ZNF135: variants seen among roughly 807,000 people sequenced by gnomAD.
ZNF135 encodes the protein zinc finger protein 135 (clone pHZ-17).
ZNF135 carries 11 observed loss-of-function variants against 12.3 expected under a neutral mutation model. The observed-to-expected ratio is 0.89, with a 90% CI of 0.56 to 1.48. ZNF135 has a LOEUF of 1.48. ZNF135 is among the 40% of genes most tolerant of loss of function. The probability of loss-of-function intolerance (pLI) is 0.00; values close to 1 mark genes in which losing one functional copy is unlikely to be tolerated. For synonymous variants in ZNF135, 316 were observed against 312.0 expected, an observed-to-expected ratio of 1.01 and a Z score of -0.14; for missense variants, 722 against 815.7, an observed-to-expected ratio of 0.89 and a Z score of 1.40.
chr19:58,065,029 C>G lies in ZNF135; in HGVS notation c.256+1488C>G, dbSNP rs1345322444. 6.6e-6 allele frequency among the ~76,000 whole-genome samples: 1 copy of G among 152,196 alleles called. No homozygotes were observed. Among genetic ancestry groups the G allele is most frequent in the East Asian group, 1.9e-4 (1 of 5,208 alleles). ...CAGTGCCCCTAGCCCCCTCATTGTT[C>G]AAGCGTCAACAATACTACACTTCGT... On this transcript the variant is annotated intron_variant, in intron 4 of 4. Transcript: ENST00000313434. This position sits in a 1 kb window ranked among gnomAD's most constrained non-coding sequence, Gnocchi z 4.0.
chr19:58,066,684 A>G (rs765971411), intron 4 of ZNF135, 57 bp from the exon 5 acceptor site: 23 of 1,588,536 alleles, frequency 1.4e-5, no homozygotes, highest in Non-Finnish European at 2.0e-5. Context: ...TCTCACCACA[A>G]ACTCTTTTGC....
chr19:58,068,454 C>A lies in ZNF135; in HGVS notation c.1970C>A (p.Thr657Asn). ...SSLTKHQRTH[T>N]G ...CTTACCAAGCACCAGAGAACTCACA[C>A]TGGATAAACCCACTCCACATGTGCT... is the stretch of plus-strand genomic sequence containing the variant. The change falls in exon 5 of 5, where the codon ACT becomes AAT. Residue 657 changes from threonine (T) to asparagine (N), a missense_variant. Thr to Asn is a moderately conservative substitution (Grantham distance 65, BLOSUM62 0). Coordinates refer to ENST00000313434, the MANE Select transcript of ZNF135 (RefSeq NM_001289401.2). 1 of 1,613,674 alleles carries A rather than the reference C, an allele frequency of 6.2e-7. No homozygotes were observed. Among genetic ancestry groups the A allele is most frequent in the South Asian group, 1.1e-5 (1 of 91,044 alleles).
chr19:58,059,776 A>AC lies in ZNF135; in HGVS notation c.-34-193_-34-192insC, dbSNP rs2073935850. On this transcript the variant is annotated intron_variant, in intron 1 of 4. Coordinates refer to ENST00000313434, the MANE Select transcript of ZNF135 (RefSeq NM_001289401.2). This position sits in a 1 kb window ranked among gnomAD's most constrained non-coding sequence, Gnocchi z 6.5. ...ACCCGCCAGGCCTTCAGCTTCCCTC[A>AC]GACAGGCGGGAAAACCCTAGGCTGC... The AC allele has an allele frequency of 1.5e-6, 1 of 654,750 alleles. No homozygotes were observed. The highest frequency in any genetic ancestry group is 2.5e-6 in the Non-Finnish European group (1 of 392,948). The allele number at this position is 654,750 out of a possible 1,614,324, so 40.6% of individuals were successfully genotyped here.
In ZNF135 at chr19:58,065,570, C is replaced by T. The variant is rs184074531; in HGVS notation, c.257-1171C>T. ...TTGGCTATGGCCTTGTCCATCTTCA[C>T]AGTCAGCAAGGCCTGGTCAAGTCAC... On this transcript the variant is annotated intron_variant, in intron 4 of 4. Transcript: ENST00000313434. The surrounding 1 kb of genome is among the most constrained non-coding windows in gnomAD (Gnocchi z 4.0). 4.6e-5 allele frequency among the ~76,000 whole-genome samples: 7 copies of T among 152,202 alleles called. No individual in the cohort carries two copies. Among genetic ancestry groups the T allele is most frequent in the Non-Finnish European group, 8.8e-5 (6 of 68,042 alleles).
chr19:58,063,725 C>A lies in ZNF135; in HGVS notation c.256+184C>A. 5.1e-6 allele frequency: 7 copies of A among 1,378,774 alleles called. No homozygotes were observed. Among genetic ancestry groups the A allele is most frequent in the Non-Finnish European group, 5.7e-6 (6 of 1,061,928 alleles). The allele number at this position is 1,378,774 out of a possible 1,614,324, so 85.4% of individuals were successfully genotyped here. On this transcript the variant is annotated intron_variant, in intron 4 of 4. Transcript: ENST00000313434. This position sits in a 1 kb window ranked among gnomAD's most constrained non-coding sequence, Gnocchi z 4.4. ...TCCTCATCTCCACTGAATTTATATTCTTGGTGAGGGAGTGGGGGAAACAAA... is the reference window on the plus strand; with the variant it reads ...TCCTCATCTCCACTGAATTTATATTATTGGTGAGGGAGTGGGGGAAACAAA...
At position 58,065,228 on chromosome 19, in the gene ZNF135, A is replaced by C. The variant is rs73056305; in HGVS notation, c.257-1513A>C. On this transcript the variant is annotated intron_variant, in intron 4 of 4. Coordinates refer to ENST00000313434, the MANE Select transcript of ZNF135 (RefSeq NM_001289401.2). This position sits in a 1 kb window ranked among gnomAD's most constrained non-coding sequence, Gnocchi z 4.0. The stretch of plus-strand genomic sequence containing the variant: ...TTTTTTTAAGAGATGGGGTCTTGCT[A>C]TCTTGCCTAGGATGGAGTCCAGTGG... Among the ~76,000 whole-genome samples, 258 of 152,006 alleles carry C rather than the reference A, an allele frequency of 1.7e-3. No homozygotes were observed. Among genetic ancestry groups the C allele is most frequent in the Non-Finnish European group, 3.2e-3 (218 of 67,954 alleles).
Position 58,060,027 on chromosome 19 carries a change from A to G in ZNF135, c.25A>G (p.Thr9Ala), listed in dbSNP as rs758417677. The G allele has an allele frequency of 3.7e-6, 6 of 1,613,422 alleles. No individual in the cohort carries two copies. The highest frequency in any genetic ancestry group is 5.1e-6 in the Non-Finnish European group (6 of 1,179,840). MTPGVRVS[T>A]DPEQVTFEDV... The stretch of plus-strand genomic sequence containing the variant: ...CATGACCCCTGGGGTGCGCGTCTCC[A>G]CAGACCCGGTGAGAATCTCGGCCTC... Residue 9 changes from threonine to alanine, a missense_variant, in exon 2 of 5, where the codon ACA becomes GCA. Transcript: ENST00000313434. This position sits in a 1 kb window ranked among gnomAD's most constrained non-coding sequence, Gnocchi z 4.9.
Position 58,059,329 on chromosome 19 carries a change from G to T in ZNF135, c.-35+19G>T, listed in dbSNP as rs7256947. On this transcript the variant is annotated intron_variant, in intron 1 of 4. Transcript: ENST00000313434. This position sits in a 1 kb window ranked among gnomAD's most constrained non-coding sequence, Gnocchi z 6.5. ...CAGGAGGGTGAGCTAGGCCGGCGAGGAGGGGGAGGGGAGGCCAGGCCGGGC... is the reference window on the plus strand; with the variant it reads ...CAGGAGGGTGAGCTAGGCCGGCGAGTAGGGGGAGGGGAGGCCAGGCCGGGC... The T allele has an allele frequency of 0.34, 523,827 of 1,518,882 alleles. 92,720 individuals are homozygous for T. The highest frequency in any genetic ancestry group is 0.4 in the Admixed American group (20,414 of 51,370). 94.1% of individuals were successfully genotyped at this position (1,518,882 alleles called of 1,614,324 possible). A position where few individuals can be genotyped will look rare whatever the true frequency, so the allele number is the denominator to read the frequency against.
At chr19:58,062,593 G>A (rs1023973531) in intron 3 of ZNF135, among the ~76,000 whole-genome samples, 1 of 149,462 alleles carries the variant, frequency 6.7e-6, no homozygotes, top group East Asian at 2.0e-4. Context: ...GGGTTTCACC[G>A]TGTTAGCCAG....
In ZNF135 at chr19:58,068,121, G is replaced by A; in HGVS notation, c.1637G>A (p.Gly546Glu). 6.2e-7 allele frequency: 1 copy of A among 1,614,174 alleles called. No homozygotes were observed. The highest frequency in any genetic ancestry group is 1.1e-5 in the South Asian group (1 of 91,086). ...ATTCAGCATCAGAGGATCCACACAG[G>A]AGAGAAACCCTATGAATGTAACCAG... ...PLIQHQRIHT[G>E]EKPYECNQCG... The change falls in exon 5 of 5, where the codon GGA becomes GAA. Residue 546 changes from glycine to glutamate, a missense_variant. Coordinates refer to ENST00000313434, the MANE Select transcript of ZNF135 (RefSeq NM_001289401.2).
chr19:58,068,419 C>T lies in ZNF135; in HGVS notation c.1935C>T (p.His645=), dbSNP rs1568618622. 6.2e-7 allele frequency: 1 copy of T among 1,614,112 alleles called. No homozygotes were observed. Among genetic ancestry groups the T allele is most frequent in the Non-Finnish European group, 8.5e-7 (1 of 1,179,986 alleles). Reference sequence around the variant, plus strand: ...GGGACTGTGGAAAGGCCTTTACCCACAGCTCCTCCCTTACCAAGCACCAGA... The same window carrying T: ...GGGACTGTGGAAAGGCCTTTACCCATAGCTCCTCCCTTACCAAGCACCAGA... ...ACRDCGKAFT[H]SSSLTKHQRT... Residue 645 remains histidine (H), a synonymous_variant, in exon 5 of 5, where the codon CAC becomes CAT. Transcript: ENST00000313434.
chr19:58,059,368 G>GCCGGC lies in ZNF135; in HGVS notation c.-35+58_-35+59insCCGGC. 1 of 876,614 alleles carries GCCGGC rather than the reference G, an allele frequency of 1.1e-6. No homozygotes were observed. Among genetic ancestry groups the GCCGGC allele is most frequent in the South Asian group, 1.9e-5 (1 of 52,738 alleles). The allele number at this position is 876,614 out of a possible 1,614,324, so 54.3% of individuals were successfully genotyped here. A position where few individuals can be genotyped will look rare whatever the true frequency, so the allele number is the denominator to read the frequency against. ...GCCAGGCCGGGCCGGGCCGGGCCGG[G>GCCGGC]TGCGGGGGGTCCGGGGATCTTCCTG... is the stretch of plus-strand genomic sequence containing the variant. On this transcript the variant is annotated intron_variant, in intron 1 of 4. Coordinates refer to ENST00000313434, the MANE Select transcript of ZNF135 (RefSeq NM_001289401.2). This position sits in a 1 kb window ranked among gnomAD's most constrained non-coding sequence, Gnocchi z 6.5.
At chr19:58,061,270 C>T (rs888687066) in intron 2 of ZNF135, among the ~76,000 whole-genome samples, 2 of 152,208 alleles carry the variant, frequency 1.3e-5, no homozygotes, top group Admixed American at 1.3e-4. Flanking sequence ...GATCCTCCCA[C>T]CTCAGCCTGT....
rs774765862 is a variant in ZNF135 at position 58,063,403 on chromosome 19, C to T, written c.161-43C>T. Reference sequence around the variant, plus strand: ...GAATGGGCTGAGGCTCAGGAAGGGTCCTGGGATACAAATGCTCACTCTATG... The same window carrying T: ...GAATGGGCTGAGGCTCAGGAAGGGTTCTGGGATACAAATGCTCACTCTATG... On this transcript the variant is annotated intron_variant, in intron 3 of 4. Transcript: ENST00000313434. The surrounding 1 kb of genome is among the most constrained non-coding windows in gnomAD (Gnocchi z 4.4). The T allele has an allele frequency of 6.2e-7, 1 of 1,612,164 alleles. No homozygotes were observed. The highest frequency in any genetic ancestry group is 1.1e-5 in the South Asian group (1 of 90,814).
Position 58,060,244 on chromosome 19 carries a change from ACTGGTGCCCGGCCT to A in ZNF135, c.33+212_33+225del. The A allele has an allele frequency of 1.5e-6, 2 of 1,337,866 alleles. No individual in the cohort carries two copies. The highest frequency in any genetic ancestry group is 1.9e-6 in the Non-Finnish European group (2 of 1,029,076). 82.9% of individuals were successfully genotyped at this position (1,337,866 alleles called of 1,614,324 possible). A position where few individuals can be genotyped will look rare whatever the true frequency, so the allele number is the denominator to read the frequency against. On this transcript the variant is annotated intron_variant, in intron 2 of 4. Coordinates refer to ENST00000313434, the MANE Select transcript of ZNF135 (RefSeq NM_001289401.2). The surrounding 1 kb of genome is among the most constrained non-coding windows in gnomAD (Gnocchi z 4.9). Reference sequence around the variant, plus strand: ...GCCTCTACTCGCGCACCTGGCCTCTACTGGTGCCCGGCCTCTACTCGTGCCCGGCCTCTATTTGC... The same window carrying A: ...GCCTCTACTCGCGCACCTGGCCTCTACTACTCGTGCCCGGCCTCTATTTGC...
In ZNF135 at chr19:58,060,264, CGTGCCCGGCCTCT is replaced by C. The variant is rs2073952310; in HGVS notation, c.33+230_33+242del. The stretch of plus-strand genomic sequence containing the variant: ...CCTCTACTGGTGCCCGGCCTCTACT[CGTGCCCGGCCTCT>C]ATTTGCACATCTAGCCTCTACTCGT... On this transcript the variant is annotated intron_variant, in intron 2 of 4. Coordinates refer to ENST00000313434, the MANE Select transcript of ZNF135 (RefSeq NM_001289401.2). This position sits in a 1 kb window ranked among gnomAD's most constrained non-coding sequence, Gnocchi z 4.9. 1 of 330,708 alleles carries C rather than the reference CGTGCCCGGCCTCT, an allele frequency of 3.0e-6. No homozygotes were observed. Among genetic ancestry groups the C allele is most frequent in the Non-Finnish European group, 4.4e-6 (1 of 229,170 alleles). 20.5% of individuals were successfully genotyped at this position (330,708 alleles called of 1,614,324 possible).
chr19:58,067,720 T>C lies in ZNF135; in HGVS notation c.1236T>C (p.Cys412=), dbSNP rs878967973. 2 of 1,612,698 alleles carry C rather than the reference T, an allele frequency of 1.2e-6. No individual in the cohort carries two copies. Among genetic ancestry groups the C allele is most frequent in the East Asian group, 2.2e-5 (1 of 44,746 alleles). The change falls in exon 5 of 5, where the codon TGT becomes TGC. Residue 412 remains cysteine (C), a synonymous_variant. Coordinates refer to ENST00000313434, the MANE Select transcript of ZNF135 (RefSeq NM_001289401.2). ...ACACAGGAGAAAAGCCCTATGAGTG[T>C]GGTGAGTGTGGGAAAGCCTTCAGTC... The part of the protein sequence containing the change: ...RTHTGEKPYE[C]GECGKAFSQS...
rs2074053888 is a variant in ZNF135 at position 58,065,632 on chromosome 19, T to C, written c.257-1109T>C. On this transcript the variant is annotated intron_variant, in intron 4 of 4. Transcript: ENST00000313434. The surrounding 1 kb of genome is among the most constrained non-coding windows in gnomAD (Gnocchi z 4.0). Reference sequence around the variant, plus strand: ...TCTGACTCTGACCCTTCTGCCTTTTTTCCCCATTTAAGGACCCTCGTGATT... The same window carrying C: ...TCTGACTCTGACCCTTCTGCCTTTTCTCCCCATTTAAGGACCCTCGTGATT... Among the ~76,000 whole-genome samples, 1 of 152,210 alleles carries C rather than the reference T, an allele frequency of 6.6e-6. No homozygotes were observed. Among genetic ancestry groups the C allele is most frequent in the Admixed American group, 6.5e-5 (1 of 15,276 alleles).
At chr19:58,061,007 A>C (rs2073969460) in intron 2 of ZNF135, among the ~76,000 whole-genome samples, 1 of 151,992 alleles carries the variant, frequency 6.6e-6, no homozygotes, top group Non-Finnish European at 1.5e-5. Context: ...GGGCGCCTGT[A>C]GTCCCAGCTA....
Sources: allele counts gnomAD v4.1 joint callset (sites outside exome capture counted in the v4.1 genomes callset), GRCh38; gene constraint gnomAD v4.1.1; non-coding constraint Gnocchi (gnomAD v3.1); transcripts MANE v1.5; gene names NCBI Gene and HGNC (gene_info 2026-07-23, HGNC 2026-07-21).